The following ZNF507 variants were observed in gnomAD, a reference collection of about 807,000 sequenced individuals.
ZNF507 encodes zinc finger protein 507.
A neutral mutation model predicts 80.0 loss-of-function variants in ZNF507; 29 were observed. That is an observed-to-expected ratio of 0.36 (90% CI 0.27 to 0.49). ZNF507 has a LOEUF of 0.49. Ranked by LOEUF, ZNF507 falls within the 20% of genes least tolerant of loss-of-function variation. The probability of loss-of-function intolerance (pLI) is 0.98; values close to 1 mark genes in which losing one functional copy is unlikely to be tolerated. For missense variants in ZNF507, 1,081 were observed against 1,152.2 expected (o/e 0.94, Z 0.90); for synonymous variants, 462 against 422.5 (o/e 1.09, Z -1.15).
At chr19:32,378,728 T>C (rs1281225504) in intron 5 of ZNF507, among the ~76,000 whole-genome samples, 3 of 152,098 alleles carry the variant, frequency 2.0e-5, no homozygotes, top group African/African-American at 7.2e-5. Flanking sequence ...AGAGATGTTC[T>C]ATAGGATCAA....
chr19:32,378,459 G>A (rs947183281), intron 5 of ZNF507, among the ~76,000 whole-genome samples: 2 of 152,268 alleles, frequency 1.3e-5, no homozygotes, highest in Non-Finnish European at 2.9e-5. Context: ...ACAGAAACAG[G>A]ATGTTAAGTA....
intron 5 of ZNF507, among the ~76,000 whole-genome samples, chr19:32,375,301 C>G (rs1967531736): frequency 6.6e-6 from 1 of 152,176 alleles, no homozygotes; most frequent in African/African-American, 2.4e-5. Context: ...GTGCCCCAGA[C>G]AGCCGCCACA....
chr19:32,356,025 A>G (rs1967247268), intron 3 of ZNF507, among the ~76,000 whole-genome samples: 2 of 152,140 alleles, frequency 1.3e-5, no homozygotes, highest in Non-Finnish European at 2.9e-5. Flanking sequence ...GGAATAAGAA[A>G]GCCCTTGAGT....
chr19:32,359,676 A>C (rs1174215756), intron 4 of ZNF507: 1 of 152,194 alleles, frequency 6.6e-6, no homozygotes, highest in South Asian at 2.1e-4. Flanking sequence ...TAACATGGCT[A>C]CTTTTCGTTG....
chr19:32,349,428 C>G (rs1967134991), intron 2 of ZNF507, among the ~76,000 whole-genome samples: 1 of 152,178 alleles, frequency 6.6e-6, no homozygotes, highest in South Asian at 2.1e-4. Flanking sequence ...CCTTGCTAGC[C>G]CAAAAGAGCT....
rs1322988259 is a variant in ZNF507 at position 32,385,788 on chromosome 19, C to G, written c.*2705C>G. On this transcript the variant is annotated 3_prime_UTR_variant, in exon 7 of 7. Transcript: ENST00000355898. ...CCGTGATGGCACCATTGCACTCCAA[C>G]CGGGGTGACAGATGAGGTCCTCTGT... is the stretch of plus-strand genomic sequence containing the variant. 1 of 152,028 alleles carries G rather than the reference C, an allele frequency of 6.6e-6. No individual in the cohort carries two copies. The highest frequency in any genetic ancestry group is 2.4e-5 in the African/African-American group (1 of 41,370). 9.4% of individuals were successfully genotyped at this position (152,028 alleles called of 1,614,324 possible). A position where few individuals can be genotyped will look rare whatever the true frequency, so the allele number is the denominator to read the frequency against.
chr19:32,354,388 G>C lies in ZNF507; in HGVS notation c.1558G>C (p.Asp520His). 6.2e-7 allele frequency: 1 copy of C among 1,614,138 alleles called. No homozygotes were observed. Among genetic ancestry groups the C allele is most frequent in the Non-Finnish European group, 8.5e-7 (1 of 1,180,040 alleles). ...AAGAGCCAACCTGGGGCACTATGGA[G>C]ATATAAACCTTTTAGATCCAGATAC... ...LTRANLGHYG[D>H]INLLDPDTSQ... Residue 520 changes from aspartate (D) to histidine (H), a missense_variant, in exon 3 of 7, where the codon GAT becomes CAT. By Grantham distance (81) the Asp-to-His change is moderately conservative. This residue lies in a region of ZNF507 where 614 missense variants were observed against 583.9 expected (regional missense o/e 1.05). Coordinates refer to ENST00000355898, the MANE Select transcript of ZNF507 (RefSeq NM_001136156.2).
At chr19:32,372,820 C>G (rs1967492562) in intron 5 of ZNF507, among the ~76,000 whole-genome samples, 1 of 152,120 alleles carries the variant, frequency 6.6e-6, no homozygotes, top group African/African-American at 2.4e-5. Context: ...CATTGGGAAT[C>G]AAATTTCAAC....
chr19:32,350,677 A>G (rs1366428510), intron 2 of ZNF507, among the ~76,000 whole-genome samples: 1 of 152,172 alleles, frequency 6.6e-6, no homozygotes, highest in Non-Finnish European at 1.5e-5. Context: ...CTCTTGAGCA[A>G]ACATTCACTT....
chr19:32,350,292 TC>T (rs1238551107), intron 2 of ZNF507, among the ~76,000 whole-genome samples: 8 of 152,066 alleles, frequency 5.3e-5, no homozygotes, highest in Non-Finnish European at 1.2e-4. Flanking sequence ...TTCAGGTGTT[TC>T]CTGACGTATT....
intron 2 of ZNF507, among the ~76,000 whole-genome samples, chr19:32,350,721 G>A (rs966930405): frequency 1.3e-5 from 2 of 152,188 alleles, no homozygotes; most frequent in African/African-American, 4.8e-5. Flanking sequence ...GCCTACATGG[G>A]TGTTACATTT....
chr19:32,352,748 C>T lies in ZNF507; in HGVS notation c.-2-81C>T, dbSNP rs1256170866. On this transcript the variant is annotated intron_variant, in intron 2 of 6. Transcript: ENST00000355898. ...ACTTAGATGAGATTACAGACACTAA[C>T]ATTCTCTTATATTTTCCAAATTACA... 6.3e-6 allele frequency: 8 copies of T among 1,265,454 alleles called. No homozygotes were observed. In the Admixed American group the frequency reaches 1.2e-4, roughly 19 times the overall value. 78.4% of individuals were successfully genotyped at this position (1,265,454 alleles called of 1,614,324 possible).
chr19:32,364,473 A>G (rs1289120136), intron 5 of ZNF507, among the ~76,000 whole-genome samples: 1 of 152,084 alleles, frequency 6.6e-6, no homozygotes, highest in African/African-American at 2.4e-5. Flanking sequence ...GTTGTCTTTT[A>G]TCCCTCGCCC....
chr19:32,351,761 T>A (rs1967172173), intron 2 of ZNF507, among the ~76,000 whole-genome samples: 1 of 152,100 alleles, frequency 6.6e-6, no homozygotes, highest in African/African-American at 2.4e-5. Context: ...AGAATGCACC[T>A]AAAATGTGGA....
At position 32,352,842 on chromosome 19, in the gene ZNF507, T is replaced by C. The variant is rs750966542; in HGVS notation, c.12T>C (p.Ser4=). MEE[S]SSVAMLVPDI... ...TATCCTTTTTAGATATGGAAGAAAG[T>C]AGCAGTGTTGCCATGTTGGTGCCAG... is the stretch of plus-strand genomic sequence containing the variant. Residue 4 remains serine (S), a synonymous_variant, in exon 3 of 7, where the codon AGT becomes AGC. Coordinates refer to ENST00000355898, the MANE Select transcript of ZNF507 (RefSeq NM_001136156.2). 73 of 1,578,438 alleles carry C rather than the reference T, an allele frequency of 4.6e-5. No individual in the cohort carries two copies. Among genetic ancestry groups the C allele is most frequent in the Non-Finnish European group, 6.0e-5 (70 of 1,166,784 alleles).
chr19:32,372,831 G>A (rs961786420), intron 5 of ZNF507, among the ~76,000 whole-genome samples: 6 of 152,068 alleles, frequency 3.9e-5, no homozygotes, highest in East Asian at 1.9e-4. Flanking sequence ...AAATTTCAAC[G>A]TTAGTTTTGG....
At chr19:32,372,881 GTC>G (rs1179365565) in intron 5 of ZNF507, among the ~76,000 whole-genome samples, 3 of 152,330 alleles carry the variant, frequency 2.0e-5, no homozygotes, top group African/African-American at 7.2e-5. Flanking sequence ...GGTGCTGTGT[GTC>G]TTAGTCCCTT....
At chr19:32,360,643 T>G in intron 5 of ZNF507, 25 bp downstream of exon 5, 2 of 1,282,758 alleles carry the variant, frequency 1.6e-6, no homozygotes, top group South Asian at 3.4e-5. Context: ...TCTAGAATTT[T>G]AATGTTTGTA....
intron 3 of ZNF507, 89 bp from the exon 4 acceptor site, chr19:32,356,527 A>C (rs1352996840): frequency 2.3e-6 from 2 of 853,730 alleles, no homozygotes; most frequent in Admixed American, 2.1e-5. Flanking sequence ...GTACTAGGCC[A>C]TGAAAGCAAT....
Sources: gnomAD v4.1 joint callset for allele counts (sites outside exome capture counted in the v4.1 genomes callset) on GRCh38, gnomAD v4.1.1 for gene constraint, gnomAD v4.1.1 regional missense constraint, MANE v1.5 for transcripts, NCBI Gene and HGNC (gene_info 2026-07-23, HGNC 2026-07-21) for gene names.